Variants in TBC1D32 observed in about 807,000 individuals in gnomAD.
TBC1D32 encodes protein broad-minded.
Under a neutral mutation model 170.3 loss-of-function variants are expected in TBC1D32, and 151 were observed. That is an observed-to-expected ratio of 0.89 (90% CI 0.78 to 1.01). The LOEUF (loss-of-function observed/expected upper bound fraction) is 1.01, where lower values mean the gene tolerates loss of function less well. TBC1D32 is among the 50% of genes least tolerant of loss of function. The pLI is 0.00. For missense variants in TBC1D32, 1,464 were observed against 1,457.1 expected, an observed-to-expected ratio of 1.00 and a Z score of -0.08; for synonymous variants, 498 against 488.0, an observed-to-expected ratio of 1.02 and a Z score of -0.27.
rs1388990108 is a variant in TBC1D32 at position 121,140,751 on chromosome 6, T to G, written c.2774-8999A>C. On this transcript the variant is annotated intron_variant, in intron 24 of 31. Coordinates refer to ENST00000398212, the MANE Select transcript of TBC1D32 (RefSeq NM_152730.6). ...AACAATGCACACCTTTTATGTGCCATAAAAATGTAAAGTACCACTTGCTAA... is the reference window on the plus strand; with the variant it reads ...AACAATGCACACCTTTTATGTGCCAGAAAAATGTAAAGTACCACTTGCTAA... Among the ~76,000 whole-genome samples the G allele has an allele frequency of 2.0e-5, 3 of 152,066 alleles. No homozygotes were observed. In the East Asian group the frequency reaches 5.8e-4, roughly 29 times the overall value.
At chr6:121,329,973 T>C (rs947295109) in intron 1 of TBC1D32, among the ~76,000 whole-genome samples, 1 of 152,206 alleles carries the variant, frequency 6.6e-6, no homozygotes, top group African/African-American at 2.4e-5. Flanking sequence ...TCATTAATTA[T>C]AGAAGGACAC....
chr6:121,089,059 A>G (rs1776542555), intron 31 of TBC1D32, among the ~76,000 whole-genome samples: 1 of 152,202 alleles, frequency 6.6e-6, no homozygotes, highest in Non-Finnish European at 1.5e-5. Context: ...AAGAAAAATA[A>G]GTGGTAGGCA....
At position 121,299,408 on chromosome 6, in the gene TBC1D32, T is replaced by C. The variant is rs923643427; in HGVS notation, c.1140+38A>G. ...TATTACATCATATATATTCTGGTGATATTATTTCTCAACATAAAAACAGAA... is the reference window on the plus strand; with the variant it reads ...TATTACATCATATATATTCTGGTGACATTATTTCTCAACATAAAAACAGAA... On this transcript the variant is annotated intron_variant, in intron 10 of 31. Transcript: ENST00000398212. 10 of 1,463,416 alleles carry C rather than the reference T, an allele frequency of 6.8e-6. No individual in the cohort carries two copies. In the African/African-American group the frequency reaches 1.1e-4, roughly 16 times the overall value. 90.7% of individuals were successfully genotyped at this position (1,463,416 alleles called of 1,614,324 possible). A position where few individuals can be genotyped will look rare whatever the true frequency, so the allele number is the denominator to read the frequency against.
intron 22 of TBC1D32, among the ~76,000 whole-genome samples, chr6:121,187,688 C>A (rs1250934741): frequency 2.1e-5 from 3 of 142,328 alleles, no homozygotes; most frequent in Middle Eastern, 3.5e-3. Context: ...ATCTAACCCA[C>A]AAGAGAGAAA....
chr6:121,137,416 T>G (rs2128222453), intron 24 of TBC1D32, among the ~76,000 whole-genome samples: 1 of 151,702 alleles, frequency 6.6e-6, no homozygotes, highest in African/African-American at 2.4e-5. Context: ...AGAAATAGTC[T>G]TCTTCTCTAT....
intron 15 of TBC1D32, among the ~76,000 whole-genome samples, chr6:121,266,863 A>G (rs986689726): frequency 1.3e-5 from 2 of 152,092 alleles, no homozygotes; most frequent in Non-Finnish European, 1.5e-5. Flanking sequence ...ATGAAAAATG[A>G]GAACACATGG....
In TBC1D32 at chr6:121,281,555, T is replaced by C. The variant is rs1269326040; in HGVS notation, c.1597A>G (p.Lys533Glu). 1 of 1,605,572 alleles carries C rather than the reference T, an allele frequency of 6.2e-7. No homozygotes were observed. Among genetic ancestry groups the C allele is most frequent in the Non-Finnish European group, 8.5e-7 (1 of 1,175,538 alleles). ...TLLQPIHNLM[K>E]GNEASPNCSE... ...TAAATAATACGAACCTCATTTCCTT[T>C]CATTAAATTGTGAATAGGCTGAAGA... Residue 533 changes from lysine (K) to glutamate (E), a missense_variant, in exon 14 of 32, where the codon AAA becomes GAA. This residue lies in a region of TBC1D32 where 1,363 missense variants were observed against 1,338.1 expected (regional missense o/e 1.02). Coordinates refer to ENST00000398212, the MANE Select transcript of TBC1D32 (RefSeq NM_152730.6).
intron 20 of TBC1D32, among the ~76,000 whole-genome samples, chr6:121,231,348 T>A (rs1795713582): frequency 6.6e-6 from 1 of 152,212 alleles, no homozygotes; most frequent in Non-Finnish European, 1.5e-5. Flanking sequence ...CAGTTCCATA[T>A]TTTTGCAATT....
In TBC1D32 at chr6:121,292,068, G is replaced by C; in HGVS notation, c.1357C>G (p.Leu453Val). The change falls in exon 12 of 32, where the codon CTG (leucine) becomes GTG (valine). Residue 453 changes from leucine (L) to valine (V), a missense_variant. Physicochemically the swap from Leu to Val is conservative, Grantham distance 32 (BLOSUM62 1). Transcript: ENST00000398212. ...TTGTACTTACCTTTTTTATTCTTCA[G>C]CTTAATAGGAAATAGTTTTCTGCCT... ...KQGRKLFPIK[L>V]KNKKGLVSLI... 1 of 1,586,884 alleles carries C rather than the reference G, an allele frequency of 6.3e-7. No individual in the cohort carries two copies. Among genetic ancestry groups the C allele is most frequent in the South Asian group, 1.2e-5 (1 of 84,618 alleles).
At chr6:121,171,164 A>G (rs1786927601) in intron 22 of TBC1D32, among the ~76,000 whole-genome samples, 1 of 152,034 alleles carries the variant, frequency 6.6e-6, no homozygotes, top group South Asian at 2.1e-4. Flanking sequence ...TACAGGAAAC[A>G]CAGGCATTAG....
chr6:121,251,344 T>A (rs1264571966), intron 17 of TBC1D32, among the ~76,000 whole-genome samples: 1 of 150,918 alleles, frequency 6.6e-6, no homozygotes. Flanking sequence ...AAGGCTATGA[T>A]AACCAAAAGA....
Position 121,233,332 on chromosome 6 carries a change from T to C in TBC1D32, c.2364+5738A>G, listed in dbSNP as rs115954668. Among the ~76,000 whole-genome samples the C allele has an allele frequency of 7.6e-3, 1,158 of 152,288 alleles. 19 individuals carry two copies. The highest frequency in any genetic ancestry group is 0.027 in the African/African-American group (1,110 of 41,560). ...ATTAAAGTTCCACACTATTATTGTG[T>C]TGCCATCTATCTCATTTCTTAGGTC... On this transcript the variant is annotated intron_variant, in intron 20 of 31. Transcript: ENST00000398212.
At chr6:121,271,866 G>C (rs1420787043) in intron 15 of TBC1D32, among the ~76,000 whole-genome samples, 2 of 152,054 alleles carry the variant, frequency 1.3e-5, no homozygotes, top group Non-Finnish European at 2.9e-5. Flanking sequence ...GTACTACAAG[G>C]CTACAGTAAC....
At chr6:121,275,064 C>T (rs1311896861) in intron 15 of TBC1D32, among the ~76,000 whole-genome samples, 3 of 152,100 alleles carry the variant, frequency 2.0e-5, no homozygotes, top group Admixed American at 6.5e-5. Flanking sequence ...AAAGTGTTCA[C>T]AATGTGAATA....
At chr6:121,323,264 C>T (rs1393421130) in intron 1 of TBC1D32, among the ~76,000 whole-genome samples, 1 of 152,204 alleles carries the variant, frequency 6.6e-6, no homozygotes, top group Non-Finnish European at 1.5e-5. Flanking sequence ...CATATCACTT[C>T]AGAGATTACT....
intron 22 of TBC1D32, among the ~76,000 whole-genome samples, chr6:121,198,707 C>T (rs1260665084): frequency 2.0e-5 from 3 of 150,944 alleles, no homozygotes; most frequent in Non-Finnish European, 4.4e-5. Flanking sequence ...GCCGAGATCC[C>T]GCCACTGCAC....
intron 18 of TBC1D32, 42 bp downstream of exon 18, chr6:121,242,159 C>T: frequency 6.3e-7 from 1 of 1,594,192 alleles, no homozygotes. Context: ...GCTTTTAAAA[C>T]CACAAAAATT....
At chr6:121,288,312 A>G (rs1295922276) in intron 12 of TBC1D32, among the ~76,000 whole-genome samples, 1 of 152,218 alleles carries the variant, frequency 6.6e-6, no homozygotes, top group Non-Finnish European at 1.5e-5. Flanking sequence ...AAAAAATGAT[A>G]AAGGGGATAT....
intron 22 of TBC1D32, among the ~76,000 whole-genome samples, chr6:121,169,540 T>A (rs1786655635): frequency 6.6e-6 from 1 of 152,208 alleles, no homozygotes; most frequent in African/African-American, 2.4e-5. Context: ...TAAATTTTAC[T>A]GCATTTAAAG....
Sources: gnomAD v4.1 joint callset for allele counts (sites outside exome capture counted in the v4.1 genomes callset) on GRCh38, gnomAD v4.1.1 for gene constraint, gnomAD v4.1.1 regional missense constraint, MANE v1.5 for transcripts, NCBI Gene and HGNC (gene_info 2026-07-23, HGNC 2026-07-21) for gene names.